Variants in SND1 observed in about 807,000 individuals in gnomAD.
The protein encoded by SND1 is staphylococcal nuclease domain-containing protein 1.
Under a neutral mutation model 121.7 loss-of-function variants are expected in SND1, and 38 were observed. That is an observed-to-expected ratio of 0.31 (90% CI 0.24 to 0.41). The LOEUF (loss-of-function observed/expected upper bound fraction) is 0.41, where lower values mean the gene tolerates loss of function less well. Among genes scored for constraint, SND1 ranks in the 10% least tolerant of loss-of-function variants. The probability of loss-of-function intolerance (pLI) is 1.00; values close to 1 mark genes in which losing one functional copy is unlikely to be tolerated. For synonymous variants in SND1, 401 were observed against 447.4 expected (o/e 0.90, Z 1.31); for missense variants, 868 against 1,184.6 (o/e 0.73, Z 3.92).
At chr7:127,759,968 C>T (rs1418049459) in intron 10 of SND1, among the ~76,000 whole-genome samples, 1 of 152,168 alleles carries the variant, frequency 6.6e-6, no homozygotes, top group African/African-American at 2.4e-5. Context: ...CCAATCAGGA[C>T]CTTCCTTCTC....
chr7:127,718,614 G>C (rs1008968884), intron 9 of SND1: 1 of 985,108 alleles, frequency 1.0e-6, no homozygotes, highest in African/African-American at 1.7e-5. Flanking sequence ...GAGCAGCAGA[G>C]AGAGTCTGCT....
intron 1 of SND1, among the ~76,000 whole-genome samples, chr7:127,671,743 AAGCCAAT>A (rs1159264200): frequency 6.6e-6 from 1 of 152,216 alleles, no homozygotes; most frequent in Admixed American, 6.5e-5. Context: ...TTTGAACTCA[AAGCCAAT>A]AGCACTATAA....
At chr7:127,866,609 G>A (rs145944888) in intron 12 of SND1, among the ~76,000 whole-genome samples, 7 of 152,086 alleles carry the variant, frequency 4.6e-5, no homozygotes, top group Non-Finnish European at 1.0e-4. Flanking sequence ...CAAGCATTTC[G>A]TACCTGCAGG....
chr7:127,818,996 A>G (rs1315620153), intron 11 of SND1, among the ~76,000 whole-genome samples: 4 of 152,198 alleles, frequency 2.6e-5, no homozygotes, highest in African/African-American at 7.2e-5. Flanking sequence ...TGAGAAAATC[A>G]TAATTTGATG....
chr7:127,895,558 A>T (rs1800103358), intron 13 of SND1, among the ~76,000 whole-genome samples: 1 of 152,074 alleles, frequency 6.6e-6, no homozygotes, highest in Non-Finnish European at 1.5e-5. Context: ...TGGATTCAGC[A>T]CGTGTCATTA....
chr7:127,922,188 T>TTTTTTTTG, intron 14 of SND1, among the ~76,000 whole-genome samples: 2 of 97,774 alleles, frequency 2.0e-5, no homozygotes, highest in Non-Finnish European at 4.5e-5. Context: ...TTTTTTTTTT[T>TTTTTTTTG]TTTTTTTTTT....
At chr7:128,035,115 A>G (rs1792723956) in intron 16 of SND1, among the ~76,000 whole-genome samples, 1 of 152,266 alleles carries the variant, frequency 6.6e-6, no homozygotes, top group African/African-American at 2.4e-5. Flanking sequence ...GCAGCCTGGT[A>G]TTATAGAATG....
At chr7:128,091,357 A>G (rs901238565) in intron 22 of SND1, among the ~76,000 whole-genome samples, 1 of 151,170 alleles carries the variant, frequency 6.6e-6, no homozygotes, top group African/African-American at 2.4e-5. Flanking sequence ...TACTGAGACT[A>G]CAGACATTCA....
At chr7:127,958,187 T>C (rs1009279887) in intron 15 of SND1, among the ~76,000 whole-genome samples, 2 of 152,342 alleles carry the variant, frequency 1.3e-5, no homozygotes, top group South Asian at 2.1e-4. Context: ...AGATCAGCCA[T>C]TGGGAGCTTC....
At chr7:127,806,239 A>G (rs878948644) in intron 10 of SND1, among the ~76,000 whole-genome samples, 1 of 151,900 alleles carries the variant, frequency 6.6e-6, no homozygotes. Flanking sequence ...TTGGATTCCT[A>G]CTCCTTTATC....
intron 11 of SND1, 118 bp from the exon 12 acceptor site, chr7:127,844,205 TA>T (rs1277107329): frequency 2.1e-5 from 12 of 569,224 alleles, no homozygotes; most frequent in Non-Finnish European, 3.5e-5. Flanking sequence ...TTAAAAATCT[TA>T]GATTCAGAAA....
At chr7:127,695,559 C>T (rs1055653080) in intron 3 of SND1, among the ~76,000 whole-genome samples, 2 of 152,154 alleles carry the variant, frequency 1.3e-5, no homozygotes, top group Admixed American at 1.3e-4. Context: ...AGGCCAGGCA[C>T]CGTGGCTCAC....
chr7:127,911,878 C>G (rs1800464637), intron 14 of SND1, among the ~76,000 whole-genome samples: 1 of 152,168 alleles, frequency 6.6e-6, no homozygotes, highest in Non-Finnish European at 1.5e-5. Flanking sequence ...GATCTTGATT[C>G]TGCCAGAGAG....
chr7:127,863,931 G>A (rs1035766428), intron 12 of SND1, among the ~76,000 whole-genome samples: 1 of 152,124 alleles, frequency 6.6e-6, no homozygotes, highest in Non-Finnish European at 1.5e-5. Flanking sequence ...TGTGGAGATA[G>A]GAATATACGA....
intron 10 of SND1, among the ~76,000 whole-genome samples, chr7:127,747,638 C>T (rs999799668): frequency 5.3e-5 from 8 of 152,128 alleles, no homozygotes; most frequent in Non-Finnish European, 1.2e-4. Context: ...ACATATTTGA[C>T]AAGACTGAAC....
intron 13 of SND1, among the ~76,000 whole-genome samples, chr7:127,895,182 A>G (rs1189332797): frequency 6.6e-6 from 1 of 152,030 alleles, no homozygotes; most frequent in Admixed American, 6.6e-5. Flanking sequence ...ATAAACCATG[A>G]TTTCTCACCT....
intron 10 of SND1, among the ~76,000 whole-genome samples, chr7:127,761,537 T>C (rs1004803492): frequency 5.9e-5 from 9 of 152,212 alleles, no homozygotes; most frequent in Admixed American, 5.2e-4. Context: ...TTTAAACACA[T>C]AATCGTATAC....
chr7:127,729,924 C>T (rs190368381), intron 10 of SND1, among the ~76,000 whole-genome samples: 2 of 152,330 alleles, frequency 1.3e-5, no homozygotes, highest in African/African-American at 4.8e-5. Flanking sequence ...CTCTGAAAAT[C>T]TACGGTCAAT....
At chr7:127,955,640 G>T (rs1801574967) in intron 15 of SND1, among the ~76,000 whole-genome samples, 1 of 152,142 alleles carries the variant, frequency 6.6e-6, no homozygotes. Flanking sequence ...CTGCCCCCCA[G>T]TCCCCTTTCT....
Sources: allele counts gnomAD v4.1 joint callset (sites outside exome capture counted in the v4.1 genomes callset), GRCh38; gene constraint gnomAD v4.1.1; transcripts MANE v1.5; gene names NCBI Gene and HGNC (gene_info 2026-07-23, HGNC 2026-07-21).